The following CEP57 variants were observed in gnomAD, a reference collection of about 807,000 sequenced individuals.
The protein encoded by CEP57 is centrosomal protein 57.
CEP57 carries 40 observed loss-of-function variants against 68.0 expected under a neutral mutation model. The observed-to-expected ratio is 0.59, with a 90% confidence interval of 0.46 to 0.77. The LOEUF (loss-of-function observed/expected upper bound fraction) is 0.77, where lower values mean the gene tolerates loss of function less well. Ranked by LOEUF, CEP57 falls within the 30% of genes least tolerant of loss-of-function variation. The pLI is 0.00. For synonymous variants in CEP57, 219 were observed against 198.7 expected (o/e 1.10, Z -0.86); for missense variants, 606 against 580.7 (o/e 1.04, Z -0.45).
At chr11:95,813,318 AGAAAGAAT>A in intron 3 of CEP57, 142 bp from the exon 4 acceptor site, 2 of 1,056,548 alleles carry the variant, frequency 1.9e-6, no homozygotes, top group Non-Finnish European at 2.7e-6. Flanking sequence ...ACTAGCACGT[AGAAAGAAT>A]GATTTAGGTA....
At chr11:95,818,427 T>A (rs1425419469) in intron 5 of CEP57, among the ~76,000 whole-genome samples, 1 of 147,826 alleles carries the variant, frequency 6.8e-6, no homozygotes, top group African/African-American at 2.5e-5. Flanking sequence ...AAAAAAAAAA[T>A]TAAATGTTTT....
rs143920566 is a variant in CEP57, at chr11:95,806,352, C to A, written c.203-6580C>A. Among the ~76,000 whole-genome samples, 2 of 152,132 alleles carry A rather than the reference C, an allele frequency of 1.3e-5. 1 individual carries two copies. Among genetic ancestry groups the A allele is most frequent in the South Asian group, 4.1e-4 (2 of 4,820 alleles). ...ATTTCTGCATTTCCAACTGAGATAC[C>A]GGGTTCATCTCACTGGGGCTTGTCA... On this transcript the variant is annotated intron_variant, in intron 2 of 10. Transcript: ENST00000325542.
At chr11:95,820,538 T>A (rs144495606) in intron 6 of CEP57, among the ~76,000 whole-genome samples, 2 of 144,940 alleles carry the variant, frequency 1.4e-5, no homozygotes, top group East Asian at 4.0e-4. Flanking sequence ...TTGCACTGAG[T>A]TGAGATCACA....
At position 95,831,473 on chromosome 11, in the gene CEP57, A is replaced by T; in HGVS notation, c.*217A>T. 2.2e-6 allele frequency: 1 copy of T among 451,242 alleles called. No individual in the cohort carries two copies. The highest frequency in any genetic ancestry group is 4.0e-6 in the Non-Finnish European group (1 of 250,016). The allele number at this position is 451,242 out of a possible 1,614,324, so 28.0% of individuals were successfully genotyped here. A position where few individuals can be genotyped will look rare whatever the true frequency, so the allele number is the denominator to read the frequency against. On this transcript the variant is annotated 3_prime_UTR_variant, in exon 11 of 11. Coordinates refer to ENST00000325542, the MANE Select transcript of CEP57 (RefSeq NM_014679.5). ...CCAGGGGAGTTTTAAAGCCCGAGAA[A>T]CCACACATAATCTTTTGTTGAGATG... is the stretch of plus-strand genomic sequence containing the variant.
intron 1 of CEP57, among the ~76,000 whole-genome samples, chr11:95,796,905 C>T (rs1322681710): frequency 6.6e-6 from 1 of 152,064 alleles, no homozygotes; most frequent in African/African-American, 2.4e-5. Flanking sequence ...CAGAAACAGC[C>T]AAATGGAGGA....
intron 2 of CEP57, among the ~76,000 whole-genome samples, chr11:95,803,969 A>G (rs968034625): frequency 6.6e-6 from 1 of 152,190 alleles, no homozygotes; most frequent in African/African-American, 2.4e-5. Context: ...AAAGAGGTAT[A>G]TAAGTCAGGG....
chr11:95,821,876 G>A lies in CEP57; in HGVS notation c.705G>A (p.Gln235=). The A allele has an allele frequency of 6.2e-7, 1 of 1,607,078 alleles. No individual in the cohort carries two copies. The change falls in exon 7 of 11, where the codon CAG becomes CAA. Residue 235 remains glutamine, a synonymous_variant. Transcript: ENST00000325542. ...KRMQAKAAEL[Q]TGLETNRLIF... is the part of the protein sequence containing the mutation. ...GAGGCTCTCATTTTTCCTAGTTGCAGACTGGTCTAGAAACAAATAGACTTA... is the reference window on the plus strand; with the variant it reads ...GAGGCTCTCATTTTTCCTAGTTGCAAACTGGTCTAGAAACAAATAGACTTA...
chr11:95,797,658 A>T (rs2135253433), intron 1 of CEP57, among the ~76,000 whole-genome samples: 2 of 152,336 alleles, frequency 1.3e-5, no homozygotes, highest in South Asian at 2.1e-4. Flanking sequence ...AAAAGACTAA[A>T]TATATTTTTT....
At chr11:95,808,308 A>T (rs1255165) in intron 2 of CEP57, among the ~76,000 whole-genome samples, 7,830 of 152,168 alleles carry the variant, frequency 0.051, 646 homozygotes, top group African/African-American at 0.18. Context: ...AACTGCATCA[A>T]CTAACGAGCA....
intron 6 of CEP57, among the ~76,000 whole-genome samples, chr11:95,820,842 A>G (rs1276620447): frequency 6.6e-6 from 1 of 152,182 alleles, no homozygotes; most frequent in African/African-American, 2.4e-5. Flanking sequence ...TTTACTATAT[A>G]TAAAGCAATG....
At chr11:95,799,189 T>C (rs766913031) in intron 1 of CEP57, 43 bp from the exon 2 acceptor site, 1 of 1,605,128 alleles carries the variant, frequency 6.2e-7, no homozygotes, top group Non-Finnish European at 8.5e-7. Context: ...CTGCTATTTG[T>C]GGTTCACACT....
intron 2 of CEP57, among the ~76,000 whole-genome samples, chr11:95,808,365 C>A (rs1353263584): frequency 1.3e-5 from 2 of 151,648 alleles, no homozygotes; most frequent in African/African-American, 4.8e-5. Flanking sequence ...TCACACATAA[C>A]AATATTAACC....
intron 2 of CEP57, among the ~76,000 whole-genome samples, chr11:95,804,076 T>C (rs565861325): frequency 6.6e-6 from 1 of 152,234 alleles, no homozygotes; most frequent in South Asian, 2.1e-4. Context: ...ATGAAAAATA[T>C]GAAATTTATC....
At chr11:95,790,122 C>T (rs962036139), upstream of CEP57, 3 of 166,208 alleles carry the variant, frequency 1.8e-5, no homozygotes, top group African/African-American at 7.2e-5. Context: ...CCTCCTAATC[C>T]TATTTGTTAT....
At chr11:95,821,788 C>T (rs1862527866) in intron 6 of CEP57, 83 bp from the exon 7 acceptor site, 2 of 942,918 alleles carry the variant, frequency 2.1e-6, no homozygotes, top group African/African-American at 1.6e-5. Context: ...TTGGTTTTTA[C>T]AGGCTTTTTA....
chr11:95,822,312 C>A, intron 7 of CEP57, 187 bp from the exon 8 acceptor site: 1 of 603,052 alleles, frequency 1.7e-6, no homozygotes, highest in East Asian at 2.8e-5. Flanking sequence ...TTTTTCCCCC[C>A]AGCCTTTCCT....
intron 8 of CEP57, chr11:95,826,468 A>G (rs2135368683): frequency 1.3e-5 from 2 of 152,360 alleles, no homozygotes; most frequent in South Asian, 4.1e-4. Flanking sequence ...GAGGGAGAGC[A>G]TCAGGAAGAG....
chr11:95,804,305 G>T (rs942462895), intron 2 of CEP57, among the ~76,000 whole-genome samples: 2 of 152,190 alleles, frequency 1.3e-5, no homozygotes, highest in African/African-American at 2.4e-5. Context: ...GTTTAAAAGT[G>T]AGAAGGAGAA....
chr11:95,830,959 T>G, intron 10 of CEP57, 67 bp from the exon 11 acceptor site: 2 of 1,248,690 alleles, frequency 1.6e-6, no homozygotes, highest in Non-Finnish European at 2.3e-6. Flanking sequence ...TTGTACTTTT[T>G]GTTGTCAGAA....
Sources: allele counts gnomAD v4.1 joint callset (sites outside exome capture counted in the v4.1 genomes callset), GRCh38; gene constraint gnomAD v4.1.1; transcripts MANE v1.5; gene names NCBI Gene and HGNC (gene_info 2026-07-23, HGNC 2026-07-21).